The following GTF2F2 variants were observed in gnomAD, a reference collection of about 807,000 sequenced individuals.
GTF2F2 encodes general transcription factor IIF subunit 2.
In GTF2F2, 23 loss-of-function variants were observed where a neutral mutation model predicts 42.2. The ratio of observed to expected loss-of-function variants is 0.55; its 90% CI spans 0.39 to 0.77. The LOEUF (loss-of-function observed/expected upper bound fraction) is 0.77. GTF2F2 is among the 30% of genes least tolerant of loss of function. GTF2F2 has a pLI of 0.00. For missense variants in GTF2F2, 261 were observed against 287.2 expected (o/e 0.91, Z 0.66); for synonymous variants, 105 against 100.8 (o/e 1.04, Z -0.25).
At chr13:45,280,630 G>C (rs1335377918) in intron 7 of GTF2F2, among the ~76,000 whole-genome samples, 1 of 152,090 alleles carries the variant, frequency 6.6e-6, no homozygotes, top group Non-Finnish European at 1.5e-5. Context: ...AAGGAAAAAA[G>C]AATGACACCT....
intron 1 of GTF2F2, among the ~76,000 whole-genome samples, chr13:45,128,067 T>C (rs1197437713): frequency 1.4e-5 from 2 of 145,716 alleles, no homozygotes; most frequent in African/African-American, 5.0e-5. Context: ...TTCACGCCAT[T>C]CTTCTGCCTC....
At chr13:45,178,861 C>A (rs1872010964) in intron 4 of GTF2F2, among the ~76,000 whole-genome samples, 1 of 152,146 alleles carries the variant, frequency 6.6e-6, no homozygotes, top group South Asian at 2.1e-4. Context: ...ACTGGAGTTA[C>A]TCATGCATCT....
At chr13:45,248,880 C>T (rs763166649) in intron 5 of GTF2F2, among the ~76,000 whole-genome samples, 4 of 152,156 alleles carry the variant, frequency 2.6e-5, no homozygotes, top group Admixed American at 2.6e-4. Flanking sequence ...GAAAACAACA[C>T]TGTATTTTTA....
chr13:45,161,863 A>G (rs1871056616), intron 4 of GTF2F2, among the ~76,000 whole-genome samples: 1 of 152,226 alleles, frequency 6.6e-6, no homozygotes, highest in Middle Eastern at 3.4e-3. Flanking sequence ...AAATGAATAC[A>G]GTACATATTT....
chr13:45,232,834 T>G (rs1054925034), intron 5 of GTF2F2, among the ~76,000 whole-genome samples: 2 of 152,222 alleles, frequency 1.3e-5, no homozygotes, highest in Non-Finnish European at 2.9e-5. Context: ...CCTTCAGATT[T>G]CACATAGTGT....
At chr13:45,240,605 A>G (rs1205955958) in intron 5 of GTF2F2, among the ~76,000 whole-genome samples, 1 of 152,102 alleles carries the variant, frequency 6.6e-6, no homozygotes, top group Non-Finnish European at 1.5e-5. Context: ...AGGTGGTTGG[A>G]TCACCTGAGG....
intron 5 of GTF2F2, among the ~76,000 whole-genome samples, chr13:45,227,860 A>T (rs1233297778): frequency 6.6e-6 from 1 of 152,206 alleles, no homozygotes; most frequent in African/African-American, 2.4e-5. Context: ...ACAAATGCCC[A>T]GGGAATAAGG....
chr13:45,122,051 G>T (rs1868667464), intron 1 of GTF2F2, among the ~76,000 whole-genome samples: 1 of 152,138 alleles, frequency 6.6e-6, no homozygotes, highest in African/African-American at 2.4e-5. Context: ...ATACCATGGG[G>T]AATGGAACAG....
At chr13:45,134,852 G>C (rs1026422805) in intron 1 of GTF2F2, among the ~76,000 whole-genome samples, 1 of 152,190 alleles carries the variant, frequency 6.6e-6, no homozygotes, top group East Asian at 1.9e-4. Flanking sequence ...TTTCTCATCT[G>C]TAGGATGAGG....
chr13:45,278,734 C>T (rs1877130878), intron 7 of GTF2F2, among the ~76,000 whole-genome samples: 1 of 151,718 alleles, frequency 6.6e-6, no homozygotes, highest in African/African-American at 2.4e-5. Flanking sequence ...TTAGGTGCCC[C>T]CTTCTCAGTG....
At chr13:45,246,681 C>T (rs1388457492) in intron 5 of GTF2F2, among the ~76,000 whole-genome samples, 3 of 152,252 alleles carry the variant, frequency 2.0e-5, no homozygotes, top group South Asian at 2.1e-4. Context: ...AAAATACTTA[C>T]GACAGTCCAT....
chr13:45,221,232 T>C (rs2138204814), intron 5 of GTF2F2, among the ~76,000 whole-genome samples: 1 of 152,264 alleles, frequency 6.6e-6, no homozygotes, highest in African/African-American at 2.4e-5. Context: ...GAGTTATCCA[T>C]GATTCTTCTT....
chr13:45,129,455 C>A (rs898709589), intron 1 of GTF2F2, among the ~76,000 whole-genome samples: 3 of 152,184 alleles, frequency 2.0e-5, no homozygotes, highest in African/African-American at 7.2e-5. Context: ...AATGATCCAC[C>A]CACCTCAGCC....
At chr13:45,276,983 A>G (rs1877061896) in intron 7 of GTF2F2, among the ~76,000 whole-genome samples, 1 of 152,092 alleles carries the variant, frequency 6.6e-6, no homozygotes, top group Admixed American at 6.6e-5. Context: ...CACCTTGACC[A>G]TTTCATCACC....
At chr13:45,216,271 A>T (rs1432592362) in intron 5 of GTF2F2, among the ~76,000 whole-genome samples, 1 of 152,124 alleles carries the variant, frequency 6.6e-6, no homozygotes, top group South Asian at 2.1e-4. Flanking sequence ...AAGGTTATAC[A>T]TATATATGTA....
In GTF2F2 at chr13:45,188,429, A is replaced by G. The variant is rs572419116; in HGVS notation, c.305-18995A>G. On this transcript the variant is annotated intron_variant, in intron 4 of 7. Coordinates refer to ENST00000340473, the MANE Select transcript of GTF2F2 (RefSeq NM_004128.3). ...GTGCTTGTTAAAAGTTCTCCATTCT[A>G]TTCATGTGTAAGTAGAAAGCCTAAT... Among the ~76,000 whole-genome samples, 162 of 152,298 alleles carry G rather than the reference A, an allele frequency of 1.1e-3. 1 individual carries two copies. Among genetic ancestry groups the G allele is most frequent in the African/African-American group, 3.7e-3 (152 of 41,566 alleles).
chr13:45,219,535 TC>T (rs1277271826), intron 5 of GTF2F2: 3 of 152,234 alleles, frequency 2.0e-5, no homozygotes, highest in African/African-American at 7.2e-5. Flanking sequence ...GGAATTTTTA[TC>T]TAATTTCTGA....
chr13:45,279,798 G>A (rs35411101), intron 7 of GTF2F2, among the ~76,000 whole-genome samples: 13,607 of 152,054 alleles, frequency 0.089, 668 homozygotes, highest in African/African-American at 0.11. Flanking sequence ...CCAGCTACTC[G>A]GGAGGCTGAG....
rs563059026 is a variant in GTF2F2 at position 45,240,541 on chromosome 13, T to C, written c.387-12330T>C. On this transcript the variant is annotated intron_variant, in intron 5 of 7. Transcript: ENST00000340473. ...TAAGTGATTTCACAGAAAATTATAATTACTGGCCGGGCAGAGTGGCTCACA... is the reference window on the plus strand; with the variant it reads ...TAAGTGATTTCACAGAAAATTATAACTACTGGCCGGGCAGAGTGGCTCACA... Among the ~76,000 whole-genome samples the C allele has an allele frequency of 2.0e-4, 30 of 152,250 alleles. No individual in the cohort carries two copies. The East Asian group carries it at 5.4e-3, about 27-fold the overall frequency.
Sources: gnomAD v4.1 joint callset for allele counts (sites outside exome capture counted in the v4.1 genomes callset) on GRCh38, gnomAD v4.1.1 for gene constraint, MANE v1.5 for transcripts, NCBI Gene and HGNC (gene_info 2026-07-23, HGNC 2026-07-21) for gene names.